The following DENND1A variants were observed in gnomAD, a reference collection of about 807,000 sequenced individuals.
DENND1A encodes the protein DENN domain containing 1A, also known as DENN domain-containing protein 1A.
Under a neutral mutation model 113.7 loss-of-function variants are expected in DENND1A, and 51 were observed. The ratio of observed to expected loss-of-function variants is 0.45; its 90% CI spans 0.36 to 0.57. DENND1A has a LOEUF of 0.57. Among genes scored for constraint, DENND1A ranks in the 20% least tolerant of loss-of-function variants. DENND1A has a pLI of 0.00. For synonymous variants in DENND1A, 565 were observed against 570.8 expected (o/e 0.99, Z 0.14); for missense variants, 1,258 against 1,395.9 (o/e 0.90, Z 1.57).
At chr9:123,563,739 C>T (rs935624372) in intron 12 of DENND1A, among the ~76,000 whole-genome samples, 6 of 152,108 alleles carry the variant, frequency 3.9e-5, no homozygotes, top group Admixed American at 2.6e-4. Context: ...TGGCTCCCTA[C>T]TGTGAATATA....
chr9:123,729,838 G>T (rs953060480), intron 5 of DENND1A, among the ~76,000 whole-genome samples: 1 of 152,008 alleles, frequency 6.6e-6, no homozygotes, highest in Non-Finnish European at 1.5e-5. Context: ...TGGAGGGATC[G>T]CACTACCTGA....
chr9:123,703,050 C>T (rs766194211), intron 5 of DENND1A, among the ~76,000 whole-genome samples: 2 of 152,120 alleles, frequency 1.3e-5, no homozygotes, highest in Admixed American at 6.5e-5. Context: ...GGCGCGATCT[C>T]GGCTCACTGC....
At chr9:123,876,843 T>C (rs1043541490) in intron 2 of DENND1A, among the ~76,000 whole-genome samples, 11 of 152,212 alleles carry the variant, frequency 7.2e-5, no homozygotes, top group South Asian at 6.2e-4. Context: ...CAATGGGCAA[T>C]TGGATAAAGA....
chr9:123,386,923 A>G lies in DENND1A; in HGVS notation c.1760+807T>C, dbSNP rs114666435. On this transcript the variant is annotated intron_variant, in intron 22 of 23. Coordinates refer to ENST00000394215, the MANE Select transcript of DENND1A (RefSeq NM_001352964.2). Reference sequence around the variant, plus strand: ...AGGGGACATGAGGGAGAGGGAGGGAAAGGCATCTCTCTTCTGTGCAATGAC... The same window carrying G: ...AGGGGACATGAGGGAGAGGGAGGGAGAGGCATCTCTCTTCTGTGCAATGAC... 5.9e-3 allele frequency among the ~76,000 whole-genome samples: 905 copies of G among 152,306 alleles called. 12 individuals carry two copies. The highest frequency in any genetic ancestry group is 0.021 in the African/African-American group (863 of 41,574).
chr9:123,760,289 G>C (rs1470305891), intron 4 of DENND1A, among the ~76,000 whole-genome samples: 3 of 152,164 alleles, frequency 2.0e-5, no homozygotes, highest in Non-Finnish European at 4.4e-5. Flanking sequence ...AGATAGGGTA[G>C]ACTTTCTAAA....
intron 2 of DENND1A, among the ~76,000 whole-genome samples, chr9:123,821,297 T>C (rs532832423): frequency 6.6e-6 from 1 of 152,246 alleles, no homozygotes; most frequent in East Asian, 1.9e-4. Flanking sequence ...TATCTGAGTG[T>C]TGGAAAATTA....
At chr9:123,477,567 A>G (rs1452659766) in intron 13 of DENND1A, among the ~76,000 whole-genome samples, 5 of 151,794 alleles carry the variant, frequency 3.3e-5, no homozygotes, top group African/African-American at 9.7e-5. Context: ...TGAGGGGAAC[A>G]ACACACTCTG....
intron 11 of DENND1A, among the ~76,000 whole-genome samples, chr9:123,609,112 T>C (rs1054538705): frequency 1.3e-5 from 2 of 152,358 alleles, no homozygotes; most frequent in Admixed American, 6.5e-5. Flanking sequence ...AATATTGCTA[T>C]AGCGATTAGA....
chr9:123,734,226 T>C (rs1264936352), intron 5 of DENND1A, among the ~76,000 whole-genome samples: 1 of 152,178 alleles, frequency 6.6e-6, no homozygotes, highest in Non-Finnish European at 1.5e-5. Context: ...GGATGTTACA[T>C]TCACCCCAAA....
At chr9:123,449,978 C>G (rs1477241944) in intron 18 of DENND1A, among the ~76,000 whole-genome samples, 1 of 151,172 alleles carries the variant, frequency 6.6e-6, no homozygotes, top group African/African-American at 2.4e-5. Flanking sequence ...ACCTGTTTCC[C>G]CCAAAGGCTA....
At chr9:123,406,972 A>G (rs2043904324) in intron 20 of DENND1A, among the ~76,000 whole-genome samples, 1 of 152,178 alleles carries the variant, frequency 6.6e-6, no homozygotes, top group Non-Finnish European at 1.5e-5. Flanking sequence ...GTTTGTGGCA[A>G]CTTCAACTGA....
At chr9:123,588,777 T>G (rs2136980950) in intron 11 of DENND1A, among the ~76,000 whole-genome samples, 1 of 151,580 alleles carries the variant, frequency 6.6e-6, no homozygotes. Flanking sequence ...TATTTTGTTT[T>G]TTTTTTTTGA....
At chr9:123,480,938 G>A (rs1015689878) in intron 13 of DENND1A, among the ~76,000 whole-genome samples, 2 of 152,194 alleles carry the variant, frequency 1.3e-5, no homozygotes, top group African/African-American at 2.4e-5. Flanking sequence ...TGAAGCAGAC[G>A]GCGTCACAGC....
rs552089311 is a variant in DENND1A at position 123,526,431 on chromosome 9, G to A, written c.993+31139C>T. ...CTCATCAGCATTTCCATGTACTCAA[G>A]TCTCTTCCAATGTTAATACAACCAA... On this transcript the variant is annotated intron_variant, in intron 13 of 23. Transcript: ENST00000394215. Among the ~76,000 whole-genome samples, 7 of 152,214 alleles carry A rather than the reference G, an allele frequency of 4.6e-5. No individual in the cohort carries two copies. In the South Asian group the frequency reaches 1.5e-3, roughly 32 times the overall value.
intron 2 of DENND1A, among the ~76,000 whole-genome samples, chr9:123,871,199 C>T (rs1263409195): frequency 2.0e-5 from 3 of 152,116 alleles, no homozygotes; most frequent in African/African-American, 7.2e-5. Context: ...TCTCACACCT[C>T]AGCCTTCTGA....
intron 3 of DENND1A, among the ~76,000 whole-genome samples, chr9:123,776,490 C>T (rs367831627): frequency 2.7e-4 from 41 of 152,204 alleles, no homozygotes; most frequent in African/African-American, 8.9e-4. Context: ...TGTAAGAATG[C>T]TTTGTCTTAC....
At chr9:123,425,554 T>C (rs569683122) in intron 19 of DENND1A, among the ~76,000 whole-genome samples, 8 of 152,380 alleles carry the variant, frequency 5.3e-5, no homozygotes, top group African/African-American at 1.7e-4. Context: ...TGAGTGGACC[T>C]GGCCTCGCCT....
intron 11 of DENND1A, among the ~76,000 whole-genome samples, chr9:123,594,522 C>T (rs1272799706): frequency 6.6e-6 from 1 of 151,568 alleles, no homozygotes; most frequent in East Asian, 1.9e-4. Context: ...TTTCAATCAA[C>T]AAACATACTG....
At chr9:123,404,450 C>A (rs1368579849) in intron 20 of DENND1A, among the ~76,000 whole-genome samples, 1 of 152,266 alleles carries the variant, frequency 6.6e-6, no homozygotes. Flanking sequence ...ATAAAAACAA[C>A]CGAGCCTGCC....
Sources: gnomAD v4.1 joint callset for allele counts (sites outside exome capture counted in the v4.1 genomes callset) on GRCh38, gnomAD v4.1.1 for gene constraint, MANE v1.5 for transcripts, NCBI Gene and HGNC (gene_info 2026-07-23, HGNC 2026-07-21) for gene names.